The following STIM1 variants were observed in gnomAD, a reference collection of about 807,000 sequenced individuals.
STIM1 encodes the protein stromal interaction molecule 1.
Under a neutral mutation model 74.7 loss-of-function variants are expected in STIM1, and 25 were observed. That is an observed-to-expected ratio of 0.33 (90% CI 0.24 to 0.47). STIM1 has a LOEUF of 0.47. STIM1 is among the 20% of genes least tolerant of loss of function. STIM1 has a pLI of 1.00. For synonymous variants in STIM1, 328 were observed against 348.8 expected (o/e 0.94, Z 0.66); for missense variants, 728 against 920.8 (o/e 0.79, Z 2.71).
At chr11:3,967,283 GT>G (rs1188272607) in intron 1 of STIM1, among the ~76,000 whole-genome samples, 1 of 152,046 alleles carries the variant, frequency 6.6e-6, no homozygotes, top group Non-Finnish European at 1.5e-5. Context: ...TCACATTCTT[GT>G]CTAGATCCCA....
chr11:3,940,399 C>G (rs1208096820), intron 1 of STIM1, among the ~76,000 whole-genome samples: 1 of 152,082 alleles, frequency 6.6e-6, no homozygotes, highest in East Asian at 1.9e-4. Context: ...GGGAATAGAT[C>G]ATAAGGGGCT....
At chr11:3,924,260 G>A (rs1361615043) in intron 1 of STIM1, among the ~76,000 whole-genome samples, 2 of 148,034 alleles carry the variant, frequency 1.4e-5, no homozygotes, top group Admixed American at 6.8e-5. Context: ...GTGCAGTGGC[G>A]CAATCTCGGC....
intron 12 of STIM1, among the ~76,000 whole-genome samples, chr11:4,090,039 C>T (rs1307107529): frequency 6.6e-6 from 1 of 152,120 alleles, no homozygotes; most frequent in Admixed American, 6.6e-5. Context: ...GTCTCAAGTT[C>T]CTAGACTAGC....
At position 4,029,510 on chromosome 11, in the gene STIM1, G is replaced by A. The variant is rs140395835; in HGVS notation, c.385+5523G>A. 7.6e-4 allele frequency among the ~76,000 whole-genome samples: 111 copies of A among 145,394 alleles called. 2 individuals are homozygous for A. Among genetic ancestry groups the A allele is most frequent in the African/African-American group, 2.7e-3 (108 of 39,978 alleles). On this transcript the variant is annotated intron_variant, in intron 3 of 12. Coordinates refer to ENST00000526596, the MANE Select transcript of STIM1 (RefSeq NM_001382567.1). ...GAAGATGTGCACTTTAGGTGAATTG[G>A]TGTGTCTAAATGGTCCCAATCTGAG...
In STIM1 at chr11:4,055,635, A is replaced by C. The variant is rs1325642419; in HGVS notation, c.495A>C (p.Pro165=). The change falls in exon 4 of 13, where the codon CCA becomes CCC. Residue 165 remains proline, a splice_region_variant and synonymous_variant. Coordinates refer to ENST00000526596, the MANE Select transcript of STIM1 (RefSeq NM_001382567.1). ...TGCAGCTCAGTGGCCATGCCATGCC[A>C]AGGTCAGGAGGGGACTGGGTTTTTC... ...RKLQLSGHAM[P]RLAVTNTTMT... The C allele has an allele frequency of 1.3e-6, 2 of 1,580,090 alleles. No homozygotes were observed. Among genetic ancestry groups the C allele is most frequent in the East Asian group, 4.6e-5 (2 of 43,758 alleles).
In STIM1 at chr11:3,898,991, C is replaced by T. The variant is rs984432010; in HGVS notation, c.139+42582C>T. Among the ~76,000 whole-genome samples, 6 of 151,664 alleles carry T rather than the reference C, an allele frequency of 4.0e-5. No homozygotes were observed. The East Asian group carries it at 7.7e-4, about 20-fold the overall frequency. ...TTCTTTTGGCTTAGGACTGACTTGGCGATGTGGGCTCTTTTTTGGTTCCAC... is the reference window on the plus strand; with the variant it reads ...TTCTTTTGGCTTAGGACTGACTTGGTGATGTGGGCTCTTTTTTGGTTCCAC... On this transcript the variant is annotated intron_variant, in intron 1 of 12. Transcript: ENST00000526596.
intron 1 of STIM1, among the ~76,000 whole-genome samples, chr11:3,934,759 C>T (rs1036782817): frequency 2.6e-5 from 4 of 152,206 alleles, no homozygotes; most frequent in Non-Finnish European, 4.4e-5. Flanking sequence ...ATCTCCCAGG[C>T]CCATAGCCCT....
intron 2 of STIM1, among the ~76,000 whole-genome samples, chr11:3,978,548 G>C (rs1416615493): frequency 6.6e-6 from 1 of 150,796 alleles, no homozygotes; most frequent in African/African-American, 2.4e-5. Flanking sequence ...ATCACCTGAG[G>C]TCAGGAGTTT....
intron 1 of STIM1, chr11:3,947,605 T>C (rs1321046820): frequency 2.0e-5 from 3 of 152,090 alleles, no homozygotes; most frequent in African/African-American, 4.8e-5. Flanking sequence ...TTGGACAAAA[T>C]AAGAGGAAGA....
chr11:3,945,004 A>G (rs1207040012), intron 1 of STIM1, among the ~76,000 whole-genome samples: 3 of 152,136 alleles, frequency 2.0e-5, no homozygotes, highest in Non-Finnish European at 2.9e-5. Context: ...ACTTCCCTCT[A>G]TCACAGTACT....
intron 3 of STIM1, among the ~76,000 whole-genome samples, chr11:4,029,192 A>AAAATAAAT (rs776302820): frequency 7.2e-5 from 11 of 152,078 alleles, no homozygotes; most frequent in South Asian, 4.2e-4. Flanking sequence ...TCCGTCTCAA[A>AAAATAAAT]AAATAAATAA....
intron 3 of STIM1, among the ~76,000 whole-genome samples, chr11:4,041,657 G>A (rs1299094527): frequency 6.6e-6 from 1 of 151,938 alleles, no homozygotes; most frequent in African/African-American, 2.4e-5. Context: ...GGGTGGAGTG[G>A]TGCAATCTTG....
intron 4 of STIM1, chr11:4,058,909 C>A: frequency 9.1e-7 from 1 of 1,101,098 alleles, no homozygotes; most frequent in South Asian, 2.5e-5. Context: ...ACAGTTTGAC[C>A]TGGGCTGCAC....
intron 1 of STIM1, among the ~76,000 whole-genome samples, chr11:3,953,757 G>A (rs1315577802): frequency 6.6e-6 from 1 of 150,782 alleles, no homozygotes; most frequent in Non-Finnish European, 1.5e-5. Context: ...TTGCAAGATC[G>A]GTATTGACTT....
chr11:3,992,065 A>C, intron 2 of STIM1, among the ~76,000 whole-genome samples: 1 of 132,880 alleles, frequency 7.5e-6, no homozygotes, highest in South Asian at 2.7e-4. Flanking sequence ...TTTTCTCTGC[A>C]GCCTTGCCAA....
At chr11:3,996,478 AGGTAGCTG>A (rs1263581795) in intron 2 of STIM1, among the ~76,000 whole-genome samples, 1 of 152,206 alleles carries the variant, frequency 6.6e-6, no homozygotes, top group African/African-American at 2.4e-5. Context: ...CCTCAGTAAC[AGGTAGCTG>A]GGGGAAGGAT....
intron 1 of STIM1, among the ~76,000 whole-genome samples, chr11:3,955,189 T>C (rs979398641): frequency 2.6e-5 from 4 of 152,164 alleles, no homozygotes; most frequent in African/African-American, 9.7e-5. Flanking sequence ...TTTATAGTGA[T>C]AGAAGTTGGA....
intron 2 of STIM1, among the ~76,000 whole-genome samples, chr11:3,971,943 C>G (rs765692317): frequency 2.0e-5 from 3 of 152,158 alleles, no homozygotes; most frequent in Admixed American, 6.5e-5. Flanking sequence ...GTAGCATAAA[C>G]CTGTCATAAA....
intron 1 of STIM1, among the ~76,000 whole-genome samples, chr11:3,875,384 A>G (rs962519421): frequency 1.3e-5 from 2 of 152,222 alleles, no homozygotes; most frequent in Non-Finnish European, 2.9e-5. Flanking sequence ...TATAGTGTAT[A>G]CTTCGTGTTT....
Sources: gnomAD v4.1 joint callset for allele counts (sites outside exome capture counted in the v4.1 genomes callset) on GRCh38, gnomAD v4.1.1 for gene constraint, MANE v1.5 for transcripts, NCBI Gene and HGNC (gene_info 2026-07-23, HGNC 2026-07-21) for gene names.